CTNNA3: variants seen among roughly 807,000 people sequenced by gnomAD.
The protein encoded by CTNNA3 is catenin alpha 3, also known as catenin alpha-3.
In CTNNA3, 76 loss-of-function variants were observed where a neutral mutation model predicts 95.7. That is an observed-to-expected ratio of 0.79 (90% CI 0.66 to 0.96). The LOEUF is 0.96. Among genes scored for constraint, CTNNA3 ranks in the 40% least tolerant of loss-of-function variants. The pLI is 0.00. For synonymous variants in CTNNA3, 431 were observed against 374.4 expected (o/e 1.15, Z -1.74); for missense variants, 1,191 against 1,089.8 (o/e 1.09, Z -1.31).
chr10:66,168,071 A>T (rs765032515), intron 13 of CTNNA3, among the ~76,000 whole-genome samples: 1 of 152,156 alleles, frequency 6.6e-6, no homozygotes, highest in Non-Finnish European at 1.5e-5. Flanking sequence ...TGCCAGAGTC[A>T]CTTTGCTTAA....
At chr10:66,058,662 T>G (rs1162582417) in intron 15 of CTNNA3, among the ~76,000 whole-genome samples, 2 of 152,182 alleles carry the variant, frequency 1.3e-5, no homozygotes, top group African/African-American at 4.8e-5. Flanking sequence ...TCCATGTTTT[T>G]GGTTAATTCT....
chr10:67,603,536 A>T (rs1193998834), intron 3 of CTNNA3, among the ~76,000 whole-genome samples: 1 of 152,054 alleles, frequency 6.6e-6, no homozygotes, highest in Non-Finnish European at 1.5e-5. Context: ...GATAGCCCTG[A>T]TTCTGTGTAG....
intron 2 of CTNNA3, among the ~76,000 whole-genome samples, chr10:67,638,499 C>T (rs964555402): frequency 2.2e-4 from 33 of 152,138 alleles, no homozygotes; most frequent in African/African-American, 7.7e-4. Context: ...CAGCTCTGCA[C>T]CAAGAGGACC....
chr10:66,653,690 C>T lies in CTNNA3; in HGVS notation c.1282-31906G>A, dbSNP rs114555289. Among the ~76,000 whole-genome samples the T allele has an allele frequency of 4.1e-3, 628 of 152,084 alleles. 11 individuals are homozygous for T. In the East Asian group the frequency reaches 0.057, roughly 14 times the overall value. The stretch of plus-strand genomic sequence containing the variant: ...ACACAATCAGAGGTATCACATTCTC[C>T]AATTTCAAAATATACTACAAAGCTA... On this transcript the variant is annotated intron_variant, in intron 9 of 17. Transcript: ENST00000433211.
chr10:66,958,434 T>C (rs1257681201), intron 7 of CTNNA3, among the ~76,000 whole-genome samples: 3 of 145,712 alleles, frequency 2.1e-5, no homozygotes, highest in East Asian at 2.0e-4. Flanking sequence ...TGTACTATAG[T>C]TCTGCCTTTG....
intron 13 of CTNNA3, among the ~76,000 whole-genome samples, chr10:66,279,019 A>C (rs2091447990): frequency 6.6e-6 from 1 of 152,110 alleles, no homozygotes; most frequent in Admixed American, 6.6e-5. Flanking sequence ...AAATAGTTGT[A>C]GGTTGCTCAC....
At chr10:66,941,421 G>A (rs1325266892) in intron 7 of CTNNA3, among the ~76,000 whole-genome samples, 2 of 152,158 alleles carry the variant, frequency 1.3e-5, no homozygotes, top group East Asian at 1.9e-4. Flanking sequence ...AATATCTTAG[G>A]TTCCTCTCAA....
chr10:66,930,401 A>C (rs959471441), intron 7 of CTNNA3, among the ~76,000 whole-genome samples: 2 of 152,164 alleles, frequency 1.3e-5, no homozygotes, highest in Non-Finnish European at 2.9e-5. Context: ...TTTTTACTGA[A>C]GTTGTAACTT....
In CTNNA3 at chr10:66,982,623, T is replaced by A. The variant is rs555843830; in HGVS notation, c.1047+197694A>T. On this transcript the variant is annotated intron_variant, in intron 7 of 17. Transcript: ENST00000433211. ...TGAAATTAGACAAAGACAATTGAAA[T>A]AGAAAAAAATTGTTAACCTTGTGAG... Among the ~76,000 whole-genome samples the A allele has an allele frequency of 2.6e-5, 4 of 151,890 alleles. No individual in the cohort carries two copies. In the South Asian group the frequency reaches 6.2e-4, roughly 24 times the overall value.
chr10:66,656,647 G>T (rs1846082911), intron 9 of CTNNA3, among the ~76,000 whole-genome samples: 1 of 152,024 alleles, frequency 6.6e-6, no homozygotes, highest in Non-Finnish European at 1.5e-5. Context: ...TCTCCCCAGA[G>T]TAAGCATGTT....
chr10:67,505,932 A>G (rs1022450477), intron 5 of CTNNA3, among the ~76,000 whole-genome samples: 7 of 152,208 alleles, frequency 4.6e-5, no homozygotes, highest in African/African-American at 1.7e-4. Flanking sequence ...ATGATTTAAA[A>G]TCAGGTTTGT....
chr10:66,841,224 T>C (rs1843056410), intron 7 of CTNNA3, among the ~76,000 whole-genome samples: 1 of 152,174 alleles, frequency 6.6e-6, no homozygotes. Context: ...TTTAGAAGTG[T>C]CTATTTACTT....
intron 7 of CTNNA3, among the ~76,000 whole-genome samples, chr10:66,777,611 G>T (rs191641887): frequency 6.6e-6 from 1 of 152,170 alleles, no homozygotes; most frequent in East Asian, 1.9e-4. Context: ...GATACACAAT[G>T]AGCTCTCAGA....
chr10:66,679,625 C>T (rs1220965441), intron 9 of CTNNA3, among the ~76,000 whole-genome samples: 1 of 152,110 alleles, frequency 6.6e-6, no homozygotes, highest in Non-Finnish European at 1.5e-5. Flanking sequence ...CAGAAGTATT[C>T]TTCATTTTTA....
intron 7 of CTNNA3, among the ~76,000 whole-genome samples, chr10:66,949,145 T>G (rs1848414035): frequency 6.6e-6 from 1 of 152,224 alleles, no homozygotes; most frequent in African/African-American, 2.4e-5. Context: ...TATGAAAGAA[T>G]GCAGGCAAAT....
At chr10:67,259,340 C>T (rs1458069751) in intron 5 of CTNNA3, among the ~76,000 whole-genome samples, 1 of 151,980 alleles carries the variant, frequency 6.6e-6, no homozygotes, top group Non-Finnish European at 1.5e-5. Flanking sequence ...TTTTTATCAG[C>T]CTTAAAGCTC....
intron 12 of CTNNA3, among the ~76,000 whole-genome samples, chr10:66,334,326 T>A (rs922545227): frequency 1.3e-5 from 2 of 151,992 alleles, no homozygotes; most frequent in African/African-American, 4.8e-5. Context: ...CTAGCCTCGA[T>A]AGTCTTTACA....
intron 9 of CTNNA3, among the ~76,000 whole-genome samples, chr10:66,738,447 G>T (rs749275838): frequency 1.3e-5 from 2 of 152,070 alleles, no homozygotes; most frequent in South Asian, 4.1e-4. Flanking sequence ...TGACAACTTT[G>T]TATCATCTTT....
chr10:66,148,595 T>G (rs555680362), intron 13 of CTNNA3, among the ~76,000 whole-genome samples: 5 of 152,068 alleles, frequency 3.3e-5, no homozygotes, highest in African/African-American at 9.6e-5. Flanking sequence ...ACTTCCTGCT[T>G]CCTCCATATG....
Sources: allele counts gnomAD v4.1 joint callset (sites outside exome capture counted in the v4.1 genomes callset), GRCh38; gene constraint gnomAD v4.1.1; transcripts MANE v1.5; gene names NCBI Gene and HGNC (gene_info 2026-07-23, HGNC 2026-07-21).